The following MAP3K5 variants were observed in gnomAD, a reference collection of about 807,000 sequenced individuals.
MAP3K5 encodes the protein mitogen-activated protein kinase kinase kinase 5, also known as ASK-1.
In MAP3K5, 56 loss-of-function variants were observed where a neutral mutation model predicts 158.7. The ratio of observed to expected loss-of-function variants is 0.35; its 90% CI spans 0.28 to 0.44. The LOEUF is 0.44. Among genes scored for constraint, MAP3K5 ranks in the 20% least tolerant of loss-of-function variants. The probability of loss-of-function intolerance (pLI) is 1.00; values close to 1 mark genes in which losing one functional copy is unlikely to be tolerated. For synonymous variants in MAP3K5, 579 were observed against 601.7 expected (o/e 0.96, Z 0.55); for missense variants, 1,294 against 1,674.8 (o/e 0.77, Z 3.97).
intron 12 of MAP3K5, among the ~76,000 whole-genome samples, chr6:136,640,598 C>T (rs1777881226): frequency 6.6e-6 from 1 of 152,212 alleles, no homozygotes; most frequent in South Asian, 2.1e-4. Context: ...TCTTTCATTG[C>T]TCTTCTCACA....
At chr6:136,669,444 C>A in intron 7 of MAP3K5, 49 bp from the exon 8 acceptor site, 1 of 1,093,576 alleles carries the variant, frequency 9.1e-7, no homozygotes, top group Admixed American at 1.8e-5. Context: ...TCATGAAACC[C>A]TGGGTGTGTA....
Position 136,705,217 on chromosome 6 carries a change from T to G in MAP3K5, c.589-84A>C, listed in dbSNP as rs901232188. 5 of 651,854 alleles carry G rather than the reference T, an allele frequency of 7.7e-6. No homozygotes were observed. The African/African-American group carries it at 9.8e-5, about 13-fold the overall frequency. 40.4% of individuals were successfully genotyped at this position (651,854 alleles called of 1,614,324 possible). ...CATTTATTGAACTATGTGGGAAAAT[T>G]TGTATTAACAATGATATTAGCAATT... On this transcript the variant is annotated intron_variant, in intron 2 of 29. Coordinates refer to ENST00000359015, the MANE Select transcript of MAP3K5 (RefSeq NM_005923.4).
At chr6:136,723,903 A>G (rs564042674) in intron 1 of MAP3K5, among the ~76,000 whole-genome samples, 4 of 152,292 alleles carry the variant, frequency 2.6e-5, no homozygotes, top group African/African-American at 7.2e-5. Context: ...GGGGTCCTCA[A>G]CATTTCTGCA....
In MAP3K5 at chr6:136,601,962, G is replaced by C. The variant is rs1294412721; in HGVS notation, c.2697C>G (p.Val899=). The C allele has an allele frequency of 3.7e-6, 6 of 1,613,342 alleles. No homozygotes were observed. The Admixed American group carries it at 1.0e-4, about 27-fold the overall frequency. The change falls in exon 20 of 30, where the codon GTC becomes GTG. Residue 899 remains valine, a synonymous_variant. Transcript: ENST00000359015. ...AAMFKVGMFK[V]HPEIPESMSA... is the part of the protein sequence containing the mutation. ...ACATGGACTCTGGGATCTCAGGGTGGACTTTAAACATTCCCACCTAAGACA... is the reference window on the plus strand; with the variant it reads ...ACATGGACTCTGGGATCTCAGGGTGCACTTTAAACATTCCCACCTAAGACA...
chr6:136,599,351 G>GC (rs1335254729), intron 21 of MAP3K5, among the ~76,000 whole-genome samples: 14 of 152,070 alleles, frequency 9.2e-5, no homozygotes, highest in Non-Finnish European at 1.3e-4. Context: ...CCATATGTAA[G>GC]CAAGAACGGC....
intron 17 of MAP3K5, among the ~76,000 whole-genome samples, chr6:136,612,131 A>G (rs1234539052): frequency 1.3e-5 from 2 of 152,142 alleles, no homozygotes; most frequent in East Asian, 3.8e-4. Flanking sequence ...CCTGCTCACC[A>G]AACTATCTTT....
chr6:136,775,530 G>A (rs895496629), intron 1 of MAP3K5, among the ~76,000 whole-genome samples: 2 of 152,078 alleles, frequency 1.3e-5, no homozygotes, highest in Admixed American at 1.3e-4. Context: ...CATATTAAAT[G>A]TGGCATATCC....
At chr6:136,741,338 T>A (rs1179157348) in intron 1 of MAP3K5, among the ~76,000 whole-genome samples, 1 of 152,160 alleles carries the variant, frequency 6.6e-6, no homozygotes, top group African/African-American at 2.4e-5. Flanking sequence ...CCATTTGGTA[T>A]GGGAGCAAAA....
chr6:136,591,691 T>C (rs1293068083), intron 23 of MAP3K5, among the ~76,000 whole-genome samples: 3 of 152,222 alleles, frequency 2.0e-5, no homozygotes, highest in African/African-American at 7.2e-5. Context: ...CTCACTACAA[T>C]TTACTTCCCT....
rs1282787956 is a variant in MAP3K5, at chr6:136,592,491, C to A, written c.3002G>T (p.Arg1001Ile). The change falls in exon 22 of 30, where the codon AGA (arginine) becomes ATA (isoleucine). Residue 1001 changes from arginine (R) to isoleucine (I), a missense_variant. By Grantham distance (97) the Arg-to-Ile change is moderately conservative. Transcript: ENST00000359015. ...ATCTCTTTCTCCGCAGGACTTGGCT[C>A]TTGTTTTGAAAGAGAAGGGGTCCAC... ...LKVDPFSFKT[R>I]AKSCGERDVK... 1.9e-6 allele frequency: 3 copies of A among 1,613,914 alleles called. No individual in the cohort carries two copies. In the African/African-American group the frequency reaches 4.0e-5, roughly 22 times the overall value.
chr6:136,688,671 CCTT>C (rs1384944524), intron 7 of MAP3K5, among the ~76,000 whole-genome samples: 3 of 152,112 alleles, frequency 2.0e-5, no homozygotes, highest in Admixed American at 6.5e-5. Flanking sequence ...AAACTCTGCT[CCTT>C]AACTGAACTT....
intron 3 of MAP3K5, among the ~76,000 whole-genome samples, chr6:136,702,853 A>G (rs1304111884): frequency 6.6e-6 from 1 of 151,628 alleles, no homozygotes; most frequent in Non-Finnish European, 1.5e-5. Flanking sequence ...GCGCCACCAC[A>G]CTTGGCTACT....
intron 1 of MAP3K5, among the ~76,000 whole-genome samples, chr6:136,762,308 C>T (rs1305947056): frequency 1.3e-5 from 2 of 152,144 alleles, no homozygotes; most frequent in Non-Finnish European, 2.9e-5. Context: ...TGACTTTGTA[C>T]GGTTAAAGCT....
At chr6:136,709,859 G>A (rs1562634356) in intron 2 of MAP3K5, among the ~76,000 whole-genome samples, 1 of 152,156 alleles carries the variant, frequency 6.6e-6, no homozygotes, top group Non-Finnish European at 1.5e-5. Flanking sequence ...TTGAGGCCAG[G>A]AGTTCGAGGC....
intron 2 of MAP3K5, among the ~76,000 whole-genome samples, chr6:136,709,245 T>C (rs1421534724): frequency 6.6e-6 from 1 of 152,144 alleles, no homozygotes; most frequent in Non-Finnish European, 1.5e-5. Context: ...TACAAAAGCA[T>C]GAATAAATGA....
intron 10 of MAP3K5, among the ~76,000 whole-genome samples, chr6:136,653,606 CAAAT>C (rs1425073315): frequency 6.6e-6 from 1 of 152,160 alleles, no homozygotes; most frequent in Non-Finnish European, 1.5e-5. Context: ...ACTTATTACC[CAAAT>C]ATTTGTCCTG....
chr6:136,727,242 G>A (rs538094819), intron 1 of MAP3K5, among the ~76,000 whole-genome samples: 15 of 152,246 alleles, frequency 9.9e-5, no homozygotes, highest in African/African-American at 3.6e-4. Context: ...CCATTTATAG[G>A]AGGAACAGTT....
At chr6:136,580,135 T>G (rs1278996508) in intron 25 of MAP3K5, among the ~76,000 whole-genome samples, 166 bp downstream of exon 25, 2 of 152,252 alleles carry the variant, frequency 1.3e-5, no homozygotes, top group African/African-American at 4.8e-5. Context: ...TTGCTTGGTG[T>G]ACCATTATCC....
At position 136,577,888 on chromosome 6, in the gene MAP3K5, G is replaced by A. The variant is rs78476999; in HGVS notation, c.3517+2413C>T. Among the ~76,000 whole-genome samples, 816 of 152,056 alleles carry A rather than the reference G, an allele frequency of 5.4e-3. 6 individuals carry two copies. Among genetic ancestry groups the A allele is most frequent in the African/African-American group, 0.019 (777 of 41,462 alleles). The stretch of plus-strand genomic sequence containing the variant: ...GATTCTCAGTTTTTCACTAATGTTC[G>A]TTTTCTATTCTGGATACCACATTAC... On this transcript the variant is annotated intron_variant, in intron 25 of 29. Coordinates refer to ENST00000359015, the MANE Select transcript of MAP3K5 (RefSeq NM_005923.4).
Sources: gnomAD v4.1 joint callset for allele counts (sites outside exome capture counted in the v4.1 genomes callset) on GRCh38, gnomAD v4.1.1 for gene constraint, MANE v1.5 for transcripts, NCBI Gene and HGNC (gene_info 2026-07-23, HGNC 2026-07-21) for gene names.